The following CAMTA1 variants were observed in gnomAD, a reference collection of about 807,000 sequenced individuals.
CAMTA1 encodes the protein calmodulin-binding transcription activator 1.
CAMTA1 carries 27 observed loss-of-function variants against 170.9 expected under a neutral mutation model. That is an observed-to-expected ratio of 0.16 (90% CI 0.12 to 0.22). CAMTA1 has a LOEUF of 0.22. Ranked by LOEUF, CAMTA1 falls within the 10% of genes least tolerant of loss-of-function variation. The probability of loss-of-function intolerance (pLI) is 1.00; values close to 1 mark genes in which losing one functional copy is unlikely to be tolerated. For missense variants in CAMTA1, 1,619 were observed against 2,217.2 expected, an observed-to-expected ratio of 0.73 and a Z score of 5.42; for synonymous variants, 833 against 891.5, an observed-to-expected ratio of 0.93 and a Z score of 1.17.
chr1:7,081,164 G>A (rs529867878), intron 3 of CAMTA1, among the ~76,000 whole-genome samples: 5 of 152,326 alleles, frequency 3.3e-5, no homozygotes, highest in Non-Finnish European at 7.4e-5. Flanking sequence ...TCTCCTGAGG[G>A]TACAGCTGGA....
intron 11 of CAMTA1, among the ~76,000 whole-genome samples, chr1:7,714,711 G>A (rs1390647020): frequency 3.3e-5 from 5 of 152,060 alleles, no homozygotes; most frequent in African/African-American, 9.7e-5. Context: ...TAGCAGAGAC[G>A]GAGTTTCACC....
chr1:7,745,220 A>C (rs1292710917), intron 17 of CAMTA1, among the ~76,000 whole-genome samples, 198 bp downstream of exon 17: 1 of 152,070 alleles, frequency 6.6e-6, no homozygotes, highest in Non-Finnish European at 1.5e-5. Flanking sequence ...TTTTACTGCT[A>C]TCAGAGCATA....
At position 7,641,899 on chromosome 1, in the gene CAMTA1, C is replaced by G. The variant is rs139404034; in HGVS notation, c.664+1346C>G. On this transcript the variant is annotated intron_variant, in intron 7 of 22. Coordinates refer to ENST00000303635, the MANE Select transcript of CAMTA1 (RefSeq NM_015215.4). The surrounding 1 kb of genome is among the most constrained non-coding windows in gnomAD (Gnocchi z 4.5). ...TCTCTGCTTAAAACCACTCAATGCC[C>G]ATTCAATGCACGCTCAATGCCCAAG... is the stretch of plus-strand genomic sequence containing the variant. Among the ~76,000 whole-genome samples the G allele has an allele frequency of 3.3e-5, 5 of 152,242 alleles. No individual in the cohort carries two copies. The highest frequency in any genetic ancestry group is 1.2e-4 in the African/African-American group (5 of 41,540).
At chr1:7,730,417 GCT>G (rs2096723037) in intron 11 of CAMTA1, among the ~76,000 whole-genome samples, 1 of 152,100 alleles carries the variant, frequency 6.6e-6, no homozygotes, top group South Asian at 2.1e-4. Context: ...GACATGTTTG[GCT>G]CTTTCTCATC....
At chr1:7,170,690 A>G (rs1250624990) in intron 4 of CAMTA1, among the ~76,000 whole-genome samples, 1 of 152,202 alleles carries the variant, frequency 6.6e-6, no homozygotes, top group Non-Finnish European at 1.5e-5. Context: ...TATATGTGCC[A>G]CATTTTCTTT....
At chr1:7,706,435 G>A (rs2096525982) in intron 11 of CAMTA1, among the ~76,000 whole-genome samples, 3 of 152,212 alleles carry the variant, frequency 2.0e-5, no homozygotes, top group Admixed American at 1.3e-4. Flanking sequence ...GAACTGAAGT[G>A]TTCCGTTTCC....
chr1:7,279,786 G>C (rs1371375922), intron 5 of CAMTA1, among the ~76,000 whole-genome samples: 1 of 152,138 alleles, frequency 6.6e-6, no homozygotes, highest in African/African-American at 2.4e-5. Context: ...GACTTTGAGA[G>C]TTGGCTTCCC....
At chr1:7,075,241 T>C (rs750854982) in intron 3 of CAMTA1, among the ~76,000 whole-genome samples, 4 of 152,180 alleles carry the variant, frequency 2.6e-5, no homozygotes, top group Admixed American at 6.5e-5. Flanking sequence ...CCTAGAGCAA[T>C]GGTTTGCCAA....
Position 7,381,901 on chromosome 1 carries a change from G to A in CAMTA1, c.439-85929G>A, listed in dbSNP as rs12073404. Among the ~76,000 whole-genome samples the A allele has an allele frequency of 9.5e-3, 1,445 of 152,100 alleles. 22 individuals are homozygous for A. Among genetic ancestry groups the A allele is most frequent in the African/African-American group, 0.031 (1,281 of 41,468 alleles). On this transcript the variant is annotated intron_variant, in intron 5 of 22. Transcript: ENST00000303635. ...GGTTTTGATTTGCATTTCTCTGATG[G>A]CCAGTGATGGTGATTTTTCTACCTG...
intron 3 of CAMTA1, among the ~76,000 whole-genome samples, chr1:6,977,196 C>T (rs980852856): frequency 1.3e-5 from 2 of 152,110 alleles, no homozygotes; most frequent in Non-Finnish European, 2.9e-5. Flanking sequence ...CGGAGGACAT[C>T]GGAGAATAAG....
At chr1:7,755,923 A>G (rs568608181) in intron 22 of CAMTA1, among the ~76,000 whole-genome samples, 5 of 152,358 alleles carry the variant, frequency 3.3e-5, no homozygotes, top group Non-Finnish European at 4.4e-5. Context: ...ACTGCAGGGC[A>G]TGCCGAGGAT....
intron 3 of CAMTA1, among the ~76,000 whole-genome samples, chr1:7,053,769 G>A (rs1024089280): frequency 9.2e-5 from 14 of 152,174 alleles, no homozygotes; most frequent in African/African-American, 3.4e-4. Flanking sequence ...GGAATTTTTA[G>A]GTTTTACTGT....
intron 5 of CAMTA1, among the ~76,000 whole-genome samples, chr1:7,375,006 T>C (rs1168134330): frequency 6.6e-6 from 1 of 152,196 alleles, no homozygotes; most frequent in African/African-American, 2.4e-5. Context: ...AAAGTAGCCC[T>C]GGGCTAACCT....
At chr1:7,478,938 A>C (rs2093468500) in intron 6 of CAMTA1, among the ~76,000 whole-genome samples, 1 of 152,232 alleles carries the variant, frequency 6.6e-6, no homozygotes, top group South Asian at 2.1e-4. Flanking sequence ...CTTTGCCTCA[A>C]GGAAACACTT....
Position 7,249,984 on chromosome 1 carries a change from T to G in CAMTA1, c.438+358T>G, listed in dbSNP as rs2149304725. On this transcript the variant is annotated intron_variant, in intron 5 of 22. Coordinates refer to ENST00000303635, the MANE Select transcript of CAMTA1 (RefSeq NM_015215.4). The surrounding 1 kb of genome is among the most constrained non-coding windows in gnomAD (Gnocchi z 4.4). ...GAAGAGGGGAGGCAGCGTAAGGAACTTCCCTCTTGAGGTGACCCTGGCCTC... is the reference window on the plus strand; with the variant it reads ...GAAGAGGGGAGGCAGCGTAAGGAACGTCCCTCTTGAGGTGACCCTGGCCTC... 6.6e-6 allele frequency among the ~76,000 whole-genome samples: 1 copy of G among 152,214 alleles called. No individual in the cohort carries two copies. Among genetic ancestry groups the G allele is most frequent in the South Asian group, 2.1e-4 (1 of 4,820 alleles).
intron 6 of CAMTA1, among the ~76,000 whole-genome samples, chr1:7,477,617 T>C (rs74053027): frequency 0.016 from 2,387 of 152,290 alleles, 64 homozygotes; most frequent in African/African-American, 0.053. Context: ...AAACGGCCAT[T>C]ATCCTCTCTG....
At chr1:7,313,461 C>T (rs181522347) in intron 5 of CAMTA1, among the ~76,000 whole-genome samples, 103 of 152,334 alleles carry the variant, frequency 6.8e-4, no homozygotes, top group African/African-American at 2.3e-3. Flanking sequence ...AGAGCTGCAG[C>T]GGTAGACGTC....
intron 3 of CAMTA1, among the ~76,000 whole-genome samples, chr1:6,841,162 C>T (rs573723580): frequency 1.3e-5 from 2 of 152,344 alleles, no homozygotes; most frequent in South Asian, 4.1e-4. Context: ...CATTCACTCA[C>T]CCTGACCTCT....
At chr1:7,444,647 C>T (rs2092633857) in intron 5 of CAMTA1, among the ~76,000 whole-genome samples, 1 of 152,130 alleles carries the variant, frequency 6.6e-6, no homozygotes, top group Admixed American at 6.5e-5. Flanking sequence ...ATGGGGGCAC[C>T]GAGCAAGAAG....
Sources: gnomAD v4.1 joint callset for allele counts (sites outside exome capture counted in the v4.1 genomes callset) on GRCh38, gnomAD v4.1.1 for gene constraint, Gnocchi (gnomAD v3.1) non-coding constraint, MANE v1.5 for transcripts, NCBI Gene and HGNC (gene_info 2026-07-23, HGNC 2026-07-21) for gene names.